Variants in RIMBP2 observed in about 807,000 individuals in gnomAD.
The protein encoded by RIMBP2 is RIMS-binding protein 2.
A neutral mutation model predicts 118.6 loss-of-function variants in RIMBP2; 48 were observed. The observed-to-expected ratio is 0.40, with a 90% confidence interval of 0.32 to 0.51. The LOEUF is 0.51. Among genes scored for constraint, RIMBP2 ranks in the 20% least tolerant of loss-of-function variants. The probability of loss-of-function intolerance (pLI) is 0.41; values close to 1 mark genes in which losing one functional copy is unlikely to be tolerated. For missense variants in RIMBP2, 1,551 were observed against 1,768.3 expected (o/e 0.88, Z 2.20); for synonymous variants, 762 against 742.9 (o/e 1.03, Z -0.42).
chr12:130,426,149 A>C (rs576627738), intron 15 of RIMBP2: 1 of 152,438 alleles, frequency 6.6e-6, no homozygotes, highest in African/African-American at 2.4e-5. Context: ...TGCCGTGCCC[A>C]TCAGGGATCC....
At chr12:130,496,944 A>G (rs1214295627) in intron 4 of RIMBP2, among the ~76,000 whole-genome samples, 1 of 152,150 alleles carries the variant, frequency 6.6e-6, no homozygotes, top group Admixed American at 6.5e-5. Context: ...CCATCCTCTC[A>G]TGCCCTGGAG....
At chr12:130,566,421 C>A (rs980686716) in intron 2 of RIMBP2, among the ~76,000 whole-genome samples, 1 of 152,200 alleles carries the variant, frequency 6.6e-6, no homozygotes, top group East Asian at 1.9e-4. Context: ...TCACTTCTAA[C>A]AGAATAGAGA....
At chr12:130,449,984 G>T (rs1325175528) in intron 9 of RIMBP2, among the ~76,000 whole-genome samples, 1 of 152,082 alleles carries the variant, frequency 6.6e-6, no homozygotes, top group East Asian at 1.9e-4. Context: ...CAGGCCACCA[G>T]GTTTGTGACC....
intron 1 of RIMBP2, among the ~76,000 whole-genome samples, chr12:130,655,469 G>A (rs2063386935): frequency 6.6e-6 from 1 of 152,196 alleles, no homozygotes; most frequent in Non-Finnish European, 1.5e-5. Flanking sequence ...GGTGGGCAGG[G>A]CGGAGAGTCA....
At position 130,397,420 on chromosome 12, in the gene RIMBP2, T is replaced by C. The variant is rs1381941692; in HGVS notation, c.4030A>G (p.Lys1344Glu). The stretch of plus-strand genomic sequence containing the variant: ...TTGCCTTTGGAAAGCAGCCCCTTTT[T>C]CTTTTTCGAGGACATTTCCCTGCCT... ...GRGREMSSKK[K>E]KGLLSKGKKL... Residue 1344 changes from lysine to glutamate, a missense_variant, in exon 23 of 23, where the codon AAA (lysine) becomes GAA (glutamate). Around this residue, in one of 5 missense-constraint regions of RIMBP2, gnomAD observed 1,038 missense variants for 1,125.1 expected, o/e 0.92. Transcript: ENST00000690449. 2 of 398,964 alleles carry C rather than the reference T, an allele frequency of 5.0e-6. No homozygotes were observed. The highest frequency in any genetic ancestry group is 8.8e-6 in the Non-Finnish European group (2 of 226,130). 24.7% of individuals were successfully genotyped at this position (398,964 alleles called of 1,614,324 possible). A position where few individuals can be genotyped will look rare whatever the true frequency, so the allele number is the denominator to read the frequency against.
intron 1 of RIMBP2, among the ~76,000 whole-genome samples, chr12:130,637,770 C>T (rs2062416738): frequency 6.6e-6 from 1 of 152,180 alleles, no homozygotes; most frequent in South Asian, 2.1e-4. Flanking sequence ...GTTGTTTATC[C>T]AGAAACCTTC....
chr12:130,710,651 GC>G lies in RIMBP2; in HGVS notation c.-352+5570del, dbSNP rs1021125785. 6.6e-6 allele frequency among the ~76,000 whole-genome samples: 1 copy of G among 151,764 alleles called. No individual in the cohort carries two copies. The highest frequency in any genetic ancestry group is 6.6e-5 in the Admixed American group (1 of 15,232). On this transcript the variant is annotated intron_variant, in intron 1 of 22. Coordinates refer to ENST00000690449, the MANE Select transcript of RIMBP2 (RefSeq NM_001393629.1). The surrounding 1 kb of genome is among the most constrained non-coding windows in gnomAD (Gnocchi z 4.3). The stretch of plus-strand genomic sequence containing the variant: ...AAGTGGCAGGTGCTGCACCTCCCCC[GC>G]CCCAGGCTCAGCACCAACAGGAAGG...
intron 2 of RIMBP2, among the ~76,000 whole-genome samples, chr12:130,580,026 T>TGC (rs1555297670): frequency 6.1e-5 from 1 of 16,402 alleles, no homozygotes; most frequent in Non-Finnish European, 1.3e-4. Flanking sequence ...CTACCAAAAA[T>TGC]ACAAAAAAAA....
intron 4 of RIMBP2, among the ~76,000 whole-genome samples, chr12:130,504,681 G>A (rs1481991017): frequency 2.0e-5 from 3 of 149,890 alleles, no homozygotes; most frequent in Non-Finnish European, 4.5e-5. Flanking sequence ...TGACTACGTC[G>A]CTTTAAGCCA....
At chr12:130,614,759 C>T (rs2060794051) in intron 2 of RIMBP2, among the ~76,000 whole-genome samples, 1 of 151,812 alleles carries the variant, frequency 6.6e-6, no homozygotes, top group Admixed American at 6.6e-5. Context: ...TGAGGAAATG[C>T]AAAATCACAA....
chr12:130,681,330 G>A (rs1453564069), intron 1 of RIMBP2, among the ~76,000 whole-genome samples: 1 of 151,884 alleles, frequency 6.6e-6, no homozygotes, highest in Admixed American at 6.6e-5. Context: ...CAAATTTTTT[G>A]TAATAAAATA....
chr12:130,713,688 C>G (rs116101939), intron 1 of RIMBP2, among the ~76,000 whole-genome samples: 1 of 152,296 alleles, frequency 6.6e-6, no homozygotes, highest in East Asian at 1.9e-4. Flanking sequence ...GACGTTCAGC[C>G]GGCAAGTCTC....
chr12:130,438,334 A>AGC, intron 12 of RIMBP2, 31 bp downstream of exon 12: 6 of 1,344,514 alleles, frequency 4.5e-6, no homozygotes, highest in Non-Finnish European at 5.3e-6. Flanking sequence ...GGGCCTAACA[A>AGC]ACCCTCCCCA....
chr12:130,566,598 C>A (rs1203717143), intron 2 of RIMBP2, among the ~76,000 whole-genome samples: 2 of 152,192 alleles, frequency 1.3e-5, no homozygotes, highest in Non-Finnish European at 2.9e-5. Context: ...GCTGAACCTG[C>A]CAGCAACCGC....
chr12:130,467,340 A>T (rs1051419842), intron 6 of RIMBP2, among the ~76,000 whole-genome samples: 4 of 152,174 alleles, frequency 2.6e-5, no homozygotes, highest in Non-Finnish European at 4.4e-5. Flanking sequence ...AAAACCTAAG[A>T]TCAGTTATTG....
chr12:130,614,774 G>C (rs1342047752), intron 2 of RIMBP2, among the ~76,000 whole-genome samples: 1 of 151,904 alleles, frequency 6.6e-6, no homozygotes, highest in Admixed American at 6.6e-5. Context: ...TCACAAGTTA[G>C]AATTCTATGT....
chr12:130,596,276 G>A (rs1021378697), intron 2 of RIMBP2, among the ~76,000 whole-genome samples: 2 of 152,160 alleles, frequency 1.3e-5, no homozygotes, highest in Non-Finnish European at 2.9e-5. Flanking sequence ...GACAGCCTGC[G>A]TTTACTGAGC....
intron 1 of RIMBP2, among the ~76,000 whole-genome samples, chr12:130,679,166 C>T (rs1035628913): frequency 3.3e-5 from 5 of 152,048 alleles, no homozygotes; most frequent in Admixed American, 6.5e-5. Flanking sequence ...ATTGTGCGTG[C>T]GGACTTTTTT....
At chr12:130,694,711 C>T (rs2065488359) in intron 1 of RIMBP2, among the ~76,000 whole-genome samples, 1 of 152,218 alleles carries the variant, frequency 6.6e-6, no homozygotes, top group African/African-American at 2.4e-5. Flanking sequence ...GTTGTCATTG[C>T]TTGCCACACA....
Sources: gnomAD v4.1 joint callset for allele counts (sites outside exome capture counted in the v4.1 genomes callset) on GRCh38, gnomAD v4.1.1 for gene constraint, gnomAD v4.1.1 regional missense constraint, Gnocchi (gnomAD v3.1) non-coding constraint, MANE v1.5 for transcripts, NCBI Gene and HGNC (gene_info 2026-07-23, HGNC 2026-07-21) for gene names.